Variants in SRPK2 observed in about 807,000 individuals in gnomAD.
SRPK2 encodes the protein SFRS protein kinase 2.
Under a neutral mutation model 90.8 loss-of-function variants are expected in SRPK2, and 21 were observed. The ratio of observed to expected loss-of-function variants is 0.23; its 90% confidence interval spans 0.16 to 0.33. SRPK2 has a LOEUF of 0.33. Ranked by LOEUF, SRPK2 falls within the 10% of genes least tolerant of loss-of-function variation. The pLI, the probability that SRPK2 is intolerant of heterozygous loss-of-function variation, is 1.00. For missense variants in SRPK2, 620 were observed against 869.0 expected (o/e 0.71, Z 3.60); for synonymous variants, 288 against 311.1 (o/e 0.93, Z 0.78).
intron 2 of SRPK2, among the ~76,000 whole-genome samples, chr7:105,214,930 T>G (rs1585205182): frequency 6.6e-6 from 1 of 152,168 alleles, no homozygotes; most frequent in African/African-American, 2.4e-5. Context: ...ATTCGCACTT[T>G]CCAATTTCAA....
intron 2 of SRPK2, among the ~76,000 whole-genome samples, chr7:105,251,441 C>T (rs1442464815): frequency 6.6e-6 from 1 of 152,072 alleles, no homozygotes; most frequent in Non-Finnish European, 1.5e-5. Context: ...TGGGGTCAAG[C>T]TATGCTCCTG....
At chr7:105,228,722 C>G (rs1799038089) in intron 2 of SRPK2, among the ~76,000 whole-genome samples, 4 of 152,192 alleles carry the variant, frequency 2.6e-5, no homozygotes, top group Non-Finnish European at 1.5e-5. Context: ...TGTCTGCAGA[C>G]AGCAGAACTA....
chr7:105,342,100 C>T (rs1040929708), intron 2 of SRPK2, among the ~76,000 whole-genome samples: 1 of 151,204 alleles, frequency 6.6e-6, no homozygotes, highest in African/African-American at 2.4e-5. Flanking sequence ...CCCATCTCTA[C>T]TAAAAATACA....
intron 2 of SRPK2, among the ~76,000 whole-genome samples, chr7:105,357,123 G>A (rs548246443): frequency 2.3e-4 from 35 of 150,816 alleles, no homozygotes; most frequent in African/African-American, 7.3e-4. Flanking sequence ...TGCAAGCTCC[G>A]CCTCCCAGGT....
chr7:105,396,709 A>C, intron 1 of SRPK2, among the ~76,000 whole-genome samples: 1 of 127,978 alleles, frequency 7.8e-6, no homozygotes, highest in Admixed American at 8.5e-5. Context: ...AGGAGGAGGA[A>C]GGGGAGGGGG....
intron 2 of SRPK2, among the ~76,000 whole-genome samples, chr7:105,205,513 T>TCACA (rs1246518475): frequency 2.5e-4 from 15 of 61,202 alleles, no homozygotes; most frequent in East Asian, 3.6e-4. Context: ...TCTCTCTCTC[T>TCACA]CTCTCACACA....
intron 2 of SRPK2, among the ~76,000 whole-genome samples, chr7:105,361,196 C>T (rs138110230): frequency 0.012 from 1,772 of 152,098 alleles, 29 homozygotes; most frequent in African/African-American, 0.04. Context: ...ACACAGAGAG[C>T]CAAATCATGA....
rs910995782 is a variant in SRPK2 at position 105,124,785 on chromosome 7, C to CA, written c.1915+1462dup. ...GTTCTTTATTAAGGGCTGTCACATC[C>CA]AAAAAAAAAATCTAACCTGAAAAAT... On this transcript the variant is annotated intron_variant, in intron 15 of 15. Coordinates refer to ENST00000393651, the MANE Select transcript of SRPK2 (RefSeq NM_182692.3). Among the ~76,000 whole-genome samples the CA allele has an allele frequency of 1.6e-3, 242 of 148,504 alleles. 1 individual carries two copies. The highest frequency in any genetic ancestry group is 1.6e-3 in the African/African-American group (64 of 40,564).
chr7:105,380,657 G>A (rs1820837640), intron 2 of SRPK2, among the ~76,000 whole-genome samples: 1 of 151,194 alleles, frequency 6.6e-6, no homozygotes, highest in Non-Finnish European at 1.5e-5. Context: ...CTGCATAGCT[G>A]GGATTATAGG....
At chr7:105,366,004 G>T (rs562679814) in intron 2 of SRPK2, among the ~76,000 whole-genome samples, 9 of 151,866 alleles carry the variant, frequency 5.9e-5, no homozygotes, top group South Asian at 4.2e-4. Flanking sequence ...ACAGGCGCAC[G>T]CTACCACGCC....
intron 3 of SRPK2, among the ~76,000 whole-genome samples, chr7:105,196,554 A>G (rs1794939233): frequency 6.6e-6 from 1 of 152,356 alleles, no homozygotes; most frequent in South Asian, 2.1e-4. Flanking sequence ...AGATGCCAGT[A>G]GCAGCCCGTC....
chr7:105,382,536 G>A (rs1821064901), intron 2 of SRPK2, among the ~76,000 whole-genome samples: 1 of 94,194 alleles, frequency 1.1e-5, no homozygotes, highest in African/African-American at 3.9e-5. Context: ...TGGGCAACAA[G>A]AGCAAAACTC....
In SRPK2 at chr7:105,149,449, C is replaced by T. The variant is rs138695236; in HGVS notation, c.622-2791G>A. Among the ~76,000 whole-genome samples, 651 of 152,176 alleles carry T rather than the reference C, an allele frequency of 4.3e-3. 15 individuals carry two copies. The East Asian group carries it at 0.065, about 15-fold the overall frequency. ...TTATTATCACCCTGCCCTCCTACTACATTCCTTTTTGCTGAAATAATGAAG... is the reference window on the plus strand; with the variant it reads ...TTATTATCACCCTGCCCTCCTACTATATTCCTTTTTGCTGAAATAATGAAG... On this transcript the variant is annotated intron_variant, in intron 7 of 15. Transcript: ENST00000393651.
At chr7:105,387,626 G>A (rs1033889262) in intron 2 of SRPK2, among the ~76,000 whole-genome samples, 1 of 151,588 alleles carries the variant, frequency 6.6e-6, no homozygotes. Flanking sequence ...CCCCTCAAAG[G>A]AAACAACCAA....
chr7:105,175,574 G>T (rs1313672376), intron 3 of SRPK2, among the ~76,000 whole-genome samples: 8 of 152,066 alleles, frequency 5.3e-5, no homozygotes, highest in Non-Finnish European at 7.4e-5. Flanking sequence ...GAAAATCAGT[G>T]AAAACAAAAG....
At chr7:105,354,306 C>T (rs1236082811) in intron 2 of SRPK2, among the ~76,000 whole-genome samples, 1 of 152,186 alleles carries the variant, frequency 6.6e-6, no homozygotes, top group Admixed American at 6.5e-5. Flanking sequence ...ATCCTTAAGA[C>T]TCACCACCTG....
chr7:105,350,257 G>A (rs1204081), intron 2 of SRPK2, among the ~76,000 whole-genome samples: 7,784 of 144,380 alleles, frequency 0.054, 746 homozygotes, highest in African/African-American at 0.19. Flanking sequence ...TCAGCCACCC[G>A]AGTAGCTGGG....
intron 2 of SRPK2, among the ~76,000 whole-genome samples, chr7:105,247,930 G>A (rs889392134): frequency 1.3e-5 from 2 of 150,050 alleles, no homozygotes; most frequent in Admixed American, 6.6e-5. Context: ...GAGTGCAATG[G>A]TGCAACCTCC....
intron 2 of SRPK2, among the ~76,000 whole-genome samples, chr7:105,326,948 A>G (rs984725984): frequency 4.6e-5 from 7 of 152,056 alleles, no homozygotes; most frequent in Non-Finnish European, 1.0e-4. Context: ...CTGTAATCCC[A>G]GCTACTCAGG....
Sources: gnomAD v4.1 joint callset for allele counts (sites outside exome capture counted in the v4.1 genomes callset) on GRCh38, gnomAD v4.1.1 for gene constraint, MANE v1.5 for transcripts, NCBI Gene and HGNC (gene_info 2026-07-23, HGNC 2026-07-21) for gene names.